The following DPP6 variants were observed in gnomAD, a reference collection of about 807,000 sequenced individuals.
DPP6 encodes A-type potassium channel modulatory protein DPP6.
DPP6 carries 69 observed loss-of-function variants against 122.6 expected under a neutral mutation model. That is an observed-to-expected ratio of 0.56 (90% confidence interval 0.46 to 0.69). The LOEUF (loss-of-function observed/expected upper bound fraction) is 0.69. DPP6 is among the 30% of genes least tolerant of loss of function. The pLI is 0.00. For synonymous variants in DPP6, 418 were observed against 433.1 expected, an observed-to-expected ratio of 0.97 and a Z score of 0.43; for missense variants, 928 against 1,116.9, an observed-to-expected ratio of 0.83 and a Z score of 2.41.
intron 1 of DPP6, among the ~76,000 whole-genome samples, chr7:154,099,376 A>G: frequency 6.6e-6 from 1 of 152,006 alleles, no homozygotes; most frequent in African/African-American, 2.4e-5. Flanking sequence ...TTGAATTCCA[A>G]TGCATAGGGA....
intron 1 of DPP6, among the ~76,000 whole-genome samples, chr7:154,074,257 G>A (rs574606727): frequency 3.3e-5 from 5 of 152,040 alleles, no homozygotes; most frequent in Middle Eastern, 3.4e-3. Context: ...GGATGAAGAT[G>A]ATATTTTATG....
chr7:154,067,757 T>C (rs183609273), intron 1 of DPP6, among the ~76,000 whole-genome samples: 7 of 152,270 alleles, frequency 4.6e-5, no homozygotes, highest in African/African-American at 1.7e-4. Context: ...GTTTGTTTTA[T>C]TGGTTGCAGT....
At chr7:154,836,141 G>C (rs894728202) in intron 16 of DPP6, among the ~76,000 whole-genome samples, 1 of 152,168 alleles carries the variant, frequency 6.6e-6, no homozygotes, top group Non-Finnish European at 1.5e-5. Flanking sequence ...TAATTACCGC[G>C]AGCCTTGTTT....
intron 1 of DPP6, among the ~76,000 whole-genome samples, chr7:154,172,993 G>A (rs1797614585): frequency 6.6e-6 from 1 of 152,176 alleles, no homozygotes. Context: ...TTAAAAATCT[G>A]TAACATGAAG....
At chr7:154,825,421 G>A (rs939972929) in intron 16 of DPP6, among the ~76,000 whole-genome samples, 2 of 152,194 alleles carry the variant, frequency 1.3e-5, no homozygotes, top group Non-Finnish European at 2.9e-5. Context: ...ACTTCAGCAC[G>A]CATAAATTGT....
chr7:154,805,044 A>T (rs1044516305), intron 15 of DPP6, 80 bp downstream of exon 15: 2 of 1,519,288 alleles, frequency 1.3e-6, no homozygotes, highest in East Asian at 4.9e-5. Flanking sequence ...CCTTTTCAGC[A>T]GTTCGGAAAG....
At chr7:154,161,018 A>C (rs1348003695) in intron 1 of DPP6, among the ~76,000 whole-genome samples, 3 of 152,196 alleles carry the variant, frequency 2.0e-5, no homozygotes, top group Non-Finnish European at 2.9e-5. Flanking sequence ...AGGTCTACTC[A>C]GGGGCAGTCA....
chr7:154,854,305 G>C (rs1371667525), intron 17 of DPP6, among the ~76,000 whole-genome samples: 1 of 152,206 alleles, frequency 6.6e-6, no homozygotes, highest in East Asian at 1.9e-4. Context: ...AAAATGGTAG[G>C]GAAGGCTTTT....
At chr7:153,824,549 T>C in the DPP6 span, among the ~76,000 whole-genome samples, 2 of 151,744 alleles carry the variant, frequency 1.3e-5, no homozygotes, top group East Asian at 1.9e-4. Context: ...TAACCAGGCA[T>C]GGTGGGCGCC....
At chr7:153,918,545 A>ACG (rs1800458873) in intron 1 of DPP6, among the ~76,000 whole-genome samples, 1 of 140,254 alleles carries the variant, frequency 7.1e-6, no homozygotes, top group African/African-American at 2.7e-5. Context: ...ACACACACAC[A>ACG]CACACACACA....
chr7:154,202,960 C>T (rs1799250236), intron 1 of DPP6, among the ~76,000 whole-genome samples: 1 of 152,040 alleles, frequency 6.6e-6, no homozygotes, highest in Admixed American at 6.6e-5. Context: ...GGGACACAGG[C>T]CAGGGTTTGA....
the DPP6 span, among the ~76,000 whole-genome samples, chr7:153,803,854 C>CATAT: frequency 2.0e-5 from 3 of 150,926 alleles, no homozygotes; most frequent in African/African-American, 7.3e-5. Context: ...CACACACACA[C>CATAT]ATATATATAT....
intron 2 of DPP6, among the ~76,000 whole-genome samples, chr7:154,469,992 T>C (rs543758451): frequency 6.6e-6 from 1 of 152,322 alleles, no homozygotes; most frequent in African/African-American, 2.4e-5. Flanking sequence ...CGTTGGAAAA[T>C]GGACAGCTTC....
intron 3 of DPP6, among the ~76,000 whole-genome samples, chr7:154,495,396 T>C (rs1824643192): frequency 6.6e-6 from 1 of 151,742 alleles, no homozygotes; most frequent in African/African-American, 2.4e-5. Flanking sequence ...GTGGTTTTTT[T>C]TTTTTTGTTG....
At chr7:154,493,474 A>G (rs915232262) in intron 3 of DPP6, among the ~76,000 whole-genome samples, 1 of 152,158 alleles carries the variant, frequency 6.6e-6, no homozygotes, top group Non-Finnish European at 1.5e-5. Flanking sequence ...TTGGTGGCCC[A>G]TCGTTTTATT....
chr7:153,957,477 A>G (rs1802513639), intron 1 of DPP6, among the ~76,000 whole-genome samples: 1 of 152,214 alleles, frequency 6.6e-6, no homozygotes, highest in Non-Finnish European at 1.5e-5. Context: ...AAGTTAGTCC[A>G]CTTCCCGGCC....
chr7:153,782,637 G>T, the DPP6 span, among the ~76,000 whole-genome samples: 1 of 152,142 alleles, frequency 6.6e-6, no homozygotes, highest in Non-Finnish European at 1.5e-5. Context: ...GTACAGATGT[G>T]CTGGAGAAGG....
intron 1 of DPP6, among the ~76,000 whole-genome samples, chr7:154,138,945 C>T (rs2373615): frequency 6.6e-6 from 1 of 152,042 alleles, no homozygotes; most frequent in Non-Finnish European, 1.5e-5. Flanking sequence ...ATACCCTAAA[C>T]ACCTCCTGTC....
At chr7:154,210,496 A>G (rs534142821) in intron 1 of DPP6, among the ~76,000 whole-genome samples, 2 of 152,310 alleles carry the variant, frequency 1.3e-5, no homozygotes, top group South Asian at 2.1e-4. Flanking sequence ...ATGGTGTTGG[A>G]AGGATTCTAT....
Sources: gnomAD v4.1 joint callset for allele counts (sites outside exome capture counted in the v4.1 genomes callset) on GRCh38, gnomAD v4.1.1 for gene constraint, MANE v1.5 for transcripts, NCBI Gene and HGNC (gene_info 2026-07-23, HGNC 2026-07-21) for gene names.